Variants in MAPKAPK5 observed in about 807,000 individuals in gnomAD.
MAPKAPK5 encodes the protein MAPK activated protein kinase 5, also known as MAP kinase-activated protein kinase 5.
In MAPKAPK5, 30 loss-of-function variants were observed where a neutral mutation model predicts 65.1. The ratio of observed to expected loss-of-function variants is 0.46; its 90% CI spans 0.34 to 0.63. MAPKAPK5 has a LOEUF of 0.63. MAPKAPK5 is among the 20% of genes least tolerant of loss of function. MAPKAPK5 has a pLI of 0.01. For synonymous variants in MAPKAPK5, 179 were observed against 204.6 expected (o/e 0.87, Z 1.07); for missense variants, 433 against 581.4 (o/e 0.74, Z 2.63).
intron 1 of MAPKAPK5, 185 bp downstream of exon 1, chr12:111,842,954 G>T: frequency 2.2e-6 from 1 of 461,260 alleles, no homozygotes; most frequent in Non-Finnish European, 3.7e-6. Context: ...GGGTGTAGGT[G>T]TGTGTCCGAC....
intron 1 of MAPKAPK5, among the ~76,000 whole-genome samples, chr12:111,844,660 G>A (rs2068849942): frequency 6.6e-6 from 1 of 152,232 alleles, no homozygotes; most frequent in Non-Finnish European, 1.5e-5. Flanking sequence ...CTACTGTCAT[G>A]TAGCTTATAT....
chr12:111,854,395 C>G (rs1395058297), intron 1 of MAPKAPK5, among the ~76,000 whole-genome samples: 1 of 152,110 alleles, frequency 6.6e-6, no homozygotes, highest in Admixed American at 6.6e-5. Context: ...GCGTGCGCCA[C>G]CACGCCCAGC....
chr12:111,865,219 C>G (rs1226104900), intron 1 of MAPKAPK5, 31 bp from the exon 2 acceptor site: 1 of 1,396,584 alleles, frequency 7.2e-7, no homozygotes, highest in Admixed American at 2.0e-5. Context: ...AGGAATCATT[C>G]TCTGTCCTCT....
At chr12:111,842,862 G>A (rs1186904326) in intron 1 of MAPKAPK5, 93 bp downstream of exon 1, 1 of 1,194,538 alleles carries the variant, frequency 8.4e-7, no homozygotes, top group African/African-American at 1.6e-5. Context: ...GCAGTGAGAG[G>A]TTCCATCGAC....
At chr12:111,879,970 T>G (rs924957853) in intron 7 of MAPKAPK5, 7 of 194,866 alleles carry the variant, frequency 3.6e-5, no homozygotes, top group Non-Finnish European at 5.4e-5. Flanking sequence ...TGTGACCCCC[T>G]CTGGAGTTCC....
chr12:111,876,187 C>T (rs2069959392), intron 7 of MAPKAPK5, among the ~76,000 whole-genome samples: 1 of 122,434 alleles, frequency 8.2e-6, no homozygotes, highest in Non-Finnish European at 1.6e-5. Context: ...AGCCTGGTGA[C>T]AGAGCGAGAC....
At chr12:111,876,797 A>G (rs146630187) in intron 7 of MAPKAPK5, among the ~76,000 whole-genome samples, 62 of 150,562 alleles carry the variant, frequency 4.1e-4, no homozygotes, top group African/African-American at 1.5e-3. Flanking sequence ...CCCTTCTGAT[A>G]TATACTCAAT....
intron 12 of MAPKAPK5, 21 bp from the exon 13 acceptor site, chr12:111,890,019 C>T: frequency 1.3e-6 from 2 of 1,499,264 alleles, no homozygotes; most frequent in Non-Finnish European, 1.8e-6. Context: ...AATGCAAATT[C>T]CTCTTCATCC....
chr12:111,881,897 G>A (rs1198541038), intron 8 of MAPKAPK5, among the ~76,000 whole-genome samples: 1 of 152,210 alleles, frequency 6.6e-6, no homozygotes, highest in Non-Finnish European at 1.5e-5. Flanking sequence ...CTTAATCTGT[G>A]TAACATTGGT....
At chr12:111,877,069 G>A (rs1057255241) in intron 7 of MAPKAPK5, among the ~76,000 whole-genome samples, 17 of 117,308 alleles carry the variant, frequency 1.4e-4, no homozygotes, top group Non-Finnish European at 2.7e-4. Flanking sequence ...ACAAGTTGGA[G>A]TGCAGTAGCA....
At chr12:111,874,062 C>T (rs2069870961) in intron 7 of MAPKAPK5, among the ~76,000 whole-genome samples, 1 of 152,050 alleles carries the variant, frequency 6.6e-6, no homozygotes, top group African/African-American at 2.4e-5. Context: ...TTAAATTTAT[C>T]CTTAAATTTT....
chr12:111,867,605 A>G lies in MAPKAPK5; in HGVS notation c.220A>G (p.Asn74Asp), dbSNP rs994196006. 6.2e-6 allele frequency: 10 copies of G among 1,613,842 alleles called. No homozygotes were observed. The African/African-American group carries it at 6.7e-5, about 11-fold the overall frequency. ...GCACATGATGTGTGCCACACACCCAAACATAGTTCAGATTATTGAAGTGTT... is the reference window on the plus strand; with the variant it reads ...GCACATGATGTGTGCCACACACCCAGACATAGTTCAGATTATTGAAGTGTT... ...RLHMMCATHP[N>D]IVQIIEVFAN... The change falls in exon 4 of 14, where the codon AAC becomes GAC. Residue 74 changes from asparagine to aspartate, a missense_variant. By Grantham distance (23) the Asn-to-Asp change is conservative. This residue lies in a region of MAPKAPK5 where 165 missense variants were observed against 180.0 expected (regional missense o/e 0.92). Coordinates refer to ENST00000550735, the MANE Select transcript of MAPKAPK5 (RefSeq NM_003668.4).
At chr12:111,855,857 T>C (rs1302772198) in intron 1 of MAPKAPK5, among the ~76,000 whole-genome samples, 3 of 151,440 alleles carry the variant, frequency 2.0e-5, no homozygotes, top group East Asian at 3.9e-4. Context: ...TAATTTCTTT[T>C]TTTTTTTTTT....
chr12:111,866,084 G>T (rs1304121702), intron 2 of MAPKAPK5, 72 bp from the exon 3 acceptor site: 1 of 1,250,674 alleles, frequency 8.0e-7, no homozygotes, highest in African/African-American at 1.5e-5. Context: ...AAATCTCAAA[G>T]AAAAAGCTTG....
At chr12:111,858,022 C>T (rs1193238795) in intron 1 of MAPKAPK5, among the ~76,000 whole-genome samples, 1 of 152,068 alleles carries the variant, frequency 6.6e-6, no homozygotes, top group African/African-American at 2.4e-5. Flanking sequence ...CCTCAGCCTA[C>T]CCAGTAGCTG....
intron 12 of MAPKAPK5, 42 bp downstream of exon 12, chr12:111,889,042 G>A (rs1356312414): frequency 6.5e-7 from 1 of 1,544,276 alleles, no homozygotes; most frequent in East Asian, 2.4e-5. Context: ...GTGTCTGTGA[G>A]TGTGTGTGTG....
At chr12:111,892,824 G>A in intron 13 of MAPKAPK5, 143 bp from the exon 14 acceptor site, 2 of 490,294 alleles carry the variant, frequency 4.1e-6, no homozygotes, top group South Asian at 3.2e-5. Context: ...GATCTGAACT[G>A]CTTTTGATCA....
At chr12:111,882,223 A>T (rs1329308121) in intron 8 of MAPKAPK5, among the ~76,000 whole-genome samples, 1 of 152,200 alleles carries the variant, frequency 6.6e-6, no homozygotes, top group Non-Finnish European at 1.5e-5. Flanking sequence ...TACTAAAAAT[A>T]CAAAAAATTA....
chr12:111,861,300 T>C (rs970336566), intron 1 of MAPKAPK5, among the ~76,000 whole-genome samples: 3 of 151,690 alleles, frequency 2.0e-5, no homozygotes. Flanking sequence ...CCCCTTTGTG[T>C]CAGGTAGTTT....
Sources: gnomAD v4.1 joint callset for allele counts (sites outside exome capture counted in the v4.1 genomes callset) on GRCh38, gnomAD v4.1.1 for gene constraint, gnomAD v4.1.1 regional missense constraint, MANE v1.5 for transcripts, NCBI Gene and HGNC (gene_info 2026-07-23, HGNC 2026-07-21) for gene names.